The following LAMA3 variants were observed in gnomAD, a reference collection of about 807,000 sequenced individuals.
The protein encoded by LAMA3 is laminin subunit alpha 3.
In LAMA3, 281 loss-of-function variants were observed where a neutral mutation model predicts 402.0. The observed-to-expected ratio is 0.70, with a 90% confidence interval of 0.63 to 0.77. The LOEUF is 0.77. Among genes scored for constraint, LAMA3 ranks in the 30% least tolerant of loss-of-function variants. The pLI, the probability that LAMA3 is intolerant of heterozygous loss-of-function variation, is 0.00. For missense variants in LAMA3, 3,840 were observed against 4,215.5 expected (o/e 0.91, Z 2.47); for synonymous variants, 1,431 against 1,558.4 (o/e 0.92, Z 1.93).
intron 23 of LAMA3, 46 bp downstream of exon 23, chr18:23,827,513 A>T (rs992822339): frequency 6.3e-7 from 1 of 1,593,862 alleles, no homozygotes; most frequent in Admixed American, 1.7e-5. Context: ...CTACCTCCCC[A>T]TCTGTATCTG....
At chr18:23,898,870 A>T in intron 45 of LAMA3, 22 bp downstream of exon 45, 4 of 1,571,138 alleles carry the variant, frequency 2.5e-6, no homozygotes, top group Non-Finnish European at 3.5e-6. Context: ...GGTCCATTTA[A>T]CTTTGGGGTT....
intron 4 of LAMA3, 104 bp from the exon 5 acceptor site, chr18:23,750,814 A>T: frequency 7.8e-7 from 1 of 1,280,738 alleles, no homozygotes; most frequent in African/African-American, 1.5e-5. Flanking sequence ...AAATGGCTCA[A>T]AGAAACCAAG....
chr18:23,815,702 C>T lies in LAMA3; in HGVS notation c.2047+129C>T, dbSNP rs2063162533. 6.7e-6 allele frequency: 5 copies of T among 746,170 alleles called. No homozygotes were observed. In the South Asian group the frequency reaches 7.4e-5, roughly 11 times the overall value. The allele number at this position is 746,170 out of a possible 1,614,324, so 46.2% of individuals were successfully genotyped here. ...TGGAATGGCCCTGAAACATTCTGTC[C>T]AGGGAATTTGGCCAAACATTGATTA... On this transcript the variant is annotated intron_variant, in intron 17 of 74. Coordinates refer to ENST00000313654, the MANE Select transcript of LAMA3 (RefSeq NM_198129.4).
At chr18:23,769,357 G>A (rs2062145320) in intron 8 of LAMA3, among the ~76,000 whole-genome samples, 1 of 152,004 alleles carries the variant, frequency 6.6e-6, no homozygotes, top group Non-Finnish European at 1.5e-5. Flanking sequence ...AATATAGCTG[G>A]AAAAAATTAG....
At chr18:23,915,621 TG>T (rs1301461290) in intron 59 of LAMA3, among the ~76,000 whole-genome samples, 199 bp downstream of exon 59, 4 of 152,216 alleles carry the variant, frequency 2.6e-5, no homozygotes, top group African/African-American at 9.7e-5. Context: ...CTTCTTAATT[TG>T]TATGAAATGC....
chr18:23,789,669 T>C (rs2062613469), intron 12 of LAMA3, among the ~76,000 whole-genome samples: 1 of 152,154 alleles, frequency 6.6e-6, no homozygotes, highest in Admixed American at 6.5e-5. Flanking sequence ...TAGTGGACAA[T>C]GTGGATTGAC....
chr18:23,952,903 T>C (rs1027026895), intron 73 of LAMA3, 87 bp from the exon 74 acceptor site: 1 of 1,570,016 alleles, frequency 6.4e-7, no homozygotes, highest in Non-Finnish European at 8.8e-7. Context: ...ACAGGTCTAG[T>C]ATGAAGGAGT....
chr18:23,740,999 G>C (rs2061552934), intron 2 of LAMA3, among the ~76,000 whole-genome samples: 5 of 151,638 alleles, frequency 3.3e-5, no homozygotes, highest in African/African-American at 2.4e-5. Flanking sequence ...TGTCGCCCAG[G>C]CTGGAGTGCA....
chr18:23,846,810 G>A (rs1298847107), intron 31 of LAMA3, among the ~76,000 whole-genome samples: 2 of 152,212 alleles, frequency 1.3e-5, no homozygotes, highest in Non-Finnish European at 2.9e-5. Flanking sequence ...AGTGTGACAA[G>A]TCTTAAACCT....
intron 13 of LAMA3, among the ~76,000 whole-genome samples, chr18:23,812,031 G>A (rs1387255064): frequency 6.6e-6 from 1 of 151,782 alleles, no homozygotes. Flanking sequence ...GTGCCACCAT[G>A]CCTAGCTAAT....
intron 1 of LAMA3, 125 bp downstream of exon 1, chr18:23,690,102 G>A: frequency 2.6e-6 from 2 of 773,208 alleles, no homozygotes; most frequent in South Asian, 4.6e-5. Context: ...GGGAAGGGCA[G>A]CCCCCATCCC....
chr18:23,933,950 C>G lies in LAMA3; in HGVS notation c.8862+15C>G. 1.9e-6 allele frequency: 3 copies of G among 1,613,548 alleles called. No homozygotes were observed. The highest frequency in any genetic ancestry group is 2.5e-6 in the Non-Finnish European group (3 of 1,179,600). On this transcript the variant is annotated intron_variant, in intron 67 of 74. Transcript: ENST00000313654. ...GTATCAACCAGGTAAGTGTCCAAAC[C>G]TAACCCTGGGTTTCCCTCTTCCCTG...
chr18:23,887,412 A>G (rs944288598), intron 41 of LAMA3, among the ~76,000 whole-genome samples: 2 of 152,186 alleles, frequency 1.3e-5, no homozygotes, highest in Non-Finnish European at 1.5e-5. Flanking sequence ...CTTCACAAAC[A>G]ATGAAGCATT....
intron 12 of LAMA3, among the ~76,000 whole-genome samples, chr18:23,792,511 C>A (rs1381213064): frequency 1.3e-5 from 2 of 152,236 alleles, no homozygotes; most frequent in Non-Finnish European, 2.9e-5. Flanking sequence ...AATCCACCCC[C>A]ATGACCCAAA....
At chr18:23,763,593 GAAGAGATGTC>G in intron 8 of LAMA3, 70 bp downstream of exon 8, 1 of 969,482 alleles carries the variant, frequency 1.0e-6, no homozygotes, top group Non-Finnish European at 1.7e-6. Context: ...CTCTGCTCCT[GAAGAGATGTC>G]AAGAAAGTGG....
chr18:23,747,231 G>T (rs759210416), intron 2 of LAMA3, among the ~76,000 whole-genome samples: 2 of 152,104 alleles, frequency 1.3e-5, no homozygotes, highest in Non-Finnish European at 2.9e-5. Context: ...AAGTTTTGGG[G>T]GAAGGAATGG....
At position 23,933,901 on chromosome 18, in the gene LAMA3, G is replaced by T; in HGVS notation, c.8828G>T (p.Arg2943Met). 6.2e-7 allele frequency: 1 copy of T among 1,614,162 alleles called. No individual in the cohort carries two copies. The highest frequency in any genetic ancestry group is 8.5e-7 in the Non-Finnish European group (1 of 1,180,014). Residue 2943 changes from arginine (R) to methionine (M), a missense_variant, in exon 67 of 75, where the codon AGG (arginine) becomes ATG (methionine). By Grantham distance (91) the Arg-to-Met change is moderately conservative (BLOSUM62 -1). Coordinates refer to ENST00000313654, the MANE Select transcript of LAMA3 (RefSeq NM_198129.4). ...PFLMLLKGST[R>M]FNKTKTFRIN... ...CTAATGTTGCTTAAAGGTTCTACCA[G>T]GTTTAACAAGACCAAGACTTTTCGT...
At chr18:23,928,526 A>T in intron 63 of LAMA3, 99 bp from the exon 64 acceptor site, 1 of 1,163,694 alleles carries the variant, frequency 8.6e-7, no homozygotes, top group Non-Finnish European at 1.3e-6. Flanking sequence ...TACATAAATC[A>T]CATTAATCAG....
intron 2 of LAMA3, among the ~76,000 whole-genome samples, chr18:23,718,440 C>T (rs1330235672): frequency 1.3e-5 from 2 of 152,152 alleles, no homozygotes; most frequent in African/African-American, 2.4e-5. Context: ...AATTTTGAGG[C>T]TTGTATGCAA....
Sources: gnomAD v4.1 joint callset for allele counts (sites outside exome capture counted in the v4.1 genomes callset) on GRCh38, gnomAD v4.1.1 for gene constraint, MANE v1.5 for transcripts, NCBI Gene and HGNC (gene_info 2026-07-23, HGNC 2026-07-21) for gene names.